TUBA1C: variants seen among roughly 807,000 people sequenced by gnomAD.
TUBA1C encodes tubulin alpha 1c, also known as tubulin alpha-1C chain.
In TUBA1C, 16 loss-of-function variants were observed where a neutral mutation model predicts 34.9. The ratio of observed to expected loss-of-function variants is 0.46; its 90% CI spans 0.31 to 0.70. TUBA1C has a LOEUF of 0.70. Among genes scored for constraint, TUBA1C ranks in the 30% least tolerant of loss-of-function variants. TUBA1C has a pLI of 0.05. For synonymous variants in TUBA1C, 177 were observed against 215.9 expected, an observed-to-expected ratio of 0.82 and a Z score of 1.58; for missense variants, 329 against 587.3, an observed-to-expected ratio of 0.56 and a Z score of 4.55.
At chr12:49,231,361 T>C (rs934836514) in intron 1 of TUBA1C, among the ~76,000 whole-genome samples, 1 of 152,104 alleles carries the variant, frequency 6.6e-6, no homozygotes, top group South Asian at 2.1e-4. Flanking sequence ...TTTGTAGATA[T>C]AGGATCTTGT....
chr12:49,235,253 T>TA (rs36089997), intron 1 of TUBA1C, among the ~76,000 whole-genome samples: 40,304 of 147,320 alleles, frequency 0.27, 6,081 homozygotes, highest in East Asian at 0.66. Context: ...TTAGAATGCT[T>TA]AAAAAAAAAA....
chr12:49,270,800 G>GA (rs1942980737), intron 3 of TUBA1C, among the ~76,000 whole-genome samples: 1 of 152,130 alleles, frequency 6.6e-6, no homozygotes, highest in African/African-American at 2.4e-5. Flanking sequence ...CTAACATGGT[G>GA]AAACCCTCTC....
chr12:49,265,163 A>AC lies in TUBA1C; in HGVS notation c.-15dup, dbSNP rs768300348. 1.4e-5 allele frequency: 22 copies of AC among 1,602,472 alleles called. No homozygotes were observed. Among genetic ancestry groups the AC allele is most frequent in the South Asian group, 5.6e-5 (5 of 89,834 alleles). On this transcript the variant is annotated 5_prime_UTR_variant, in exon 1 of 4. Coordinates refer to ENST00000301072, the MANE Select transcript of TUBA1C (RefSeq NM_032704.5). ...CCCTTCGCCTCCTTCACCGCCGCAG[A>AC]CCCCTTCAAGTTCTAGTCATGGTGA...
At chr12:49,256,274 C>T in intron 1 of TUBA1C, 4 of 328,068 alleles carry the variant, frequency 1.2e-5, no homozygotes, top group East Asian at 7.9e-5. Context: ...TTTTTTTTTC[C>T]TCTGAAACAA....
intron 1 of TUBA1C, among the ~76,000 whole-genome samples, chr12:49,249,335 G>A (rs1942709176): frequency 2.0e-5 from 3 of 152,052 alleles, no homozygotes; most frequent in Admixed American, 1.3e-4. Context: ...GTGGAGGCAG[G>A]AGAATCACTT....
chr12:49,246,440 G>A (rs1219000345), intron 1 of TUBA1C, among the ~76,000 whole-genome samples: 2 of 151,688 alleles, frequency 1.3e-5, no homozygotes, highest in Non-Finnish European at 2.9e-5. Context: ...AGCACTTTGG[G>A]AGGCCGAGGC....
At chr12:49,263,939 G>A (rs1294143670), upstream of TUBA1C, among the ~76,000 whole-genome samples, 1 of 151,782 alleles carries the variant, frequency 6.6e-6, no homozygotes, top group Non-Finnish European at 1.5e-5. Context: ...CCAACTACTC[G>A]GCCAGGCGCG....
At chr12:49,243,853 A>G (rs1942642164) in intron 1 of TUBA1C, among the ~76,000 whole-genome samples, 1 of 152,238 alleles carries the variant, frequency 6.6e-6, no homozygotes, top group Admixed American at 6.5e-5. Flanking sequence ...CTATCTCATT[A>G]AAAGAAAAAC....
At chr12:49,235,628 G>A (rs912096318) in intron 1 of TUBA1C, among the ~76,000 whole-genome samples, 6 of 151,930 alleles carry the variant, frequency 3.9e-5, no homozygotes, top group African/African-American at 1.5e-4. Flanking sequence ...CCAGCTACTC[G>A]GGAGGCTGAG....
upstream of TUBA1C, among the ~76,000 whole-genome samples, chr12:49,263,810 T>G (rs570369056): frequency 1.1e-4 from 16 of 152,334 alleles, no homozygotes; most frequent in Middle Eastern, 3.4e-3. Flanking sequence ...TATGACGCAG[T>G]ACAAGTTAGT....
chr12:49,269,419 C>T, intron 1 of TUBA1C, 46 bp from the exon 2 acceptor site: 3 of 1,612,110 alleles, frequency 1.9e-6, no homozygotes, highest in South Asian at 2.2e-5. Flanking sequence ...CTAAATGTCC[C>T]ATCTGATGTA....
intron 1 of TUBA1C, among the ~76,000 whole-genome samples, chr12:49,230,523 C>A (rs969665303): frequency 6.6e-6 from 1 of 152,148 alleles, no homozygotes; most frequent in Non-Finnish European, 1.5e-5. Flanking sequence ...TATGAGATAA[C>A]AATAACATCC....
intron 1 of TUBA1C, chr12:49,232,824 T>C (rs1269339480): frequency 6.6e-6 from 1 of 152,180 alleles, no homozygotes; most frequent in East Asian, 1.9e-4. Flanking sequence ...TTTTATTTTA[T>C]TTTTTCAAAG....
intron 1 of TUBA1C, among the ~76,000 whole-genome samples, chr12:49,229,100 C>A (rs1006209060): frequency 2.6e-5 from 4 of 152,178 alleles, no homozygotes; most frequent in African/African-American, 9.7e-5. Flanking sequence ...CTTCCCTGGA[C>A]ATGAAGGAGG....
intron 1 of TUBA1C, among the ~76,000 whole-genome samples, chr12:49,239,303 G>A (rs1942588244): frequency 6.6e-6 from 1 of 152,102 alleles, no homozygotes; most frequent in African/African-American, 2.4e-5. Flanking sequence ...AATAGTGGAG[G>A]AAAACCAAAA....
chr12:49,261,510 C>T (rs1942840353), upstream of TUBA1C, among the ~76,000 whole-genome samples: 2 of 152,136 alleles, frequency 1.3e-5, no homozygotes, highest in Non-Finnish European at 2.9e-5. Context: ...TATTTCAAGT[C>T]TCAGGACTTT....
chr12:49,270,845 G>T (rs1185896742), intron 3 of TUBA1C, among the ~76,000 whole-genome samples: 2 of 152,140 alleles, frequency 1.3e-5, no homozygotes, highest in Admixed American at 1.3e-4. Flanking sequence ...CGGGCGTGGT[G>T]GTGGGCGCCT....
chr12:49,253,972 T>C (rs1942756007), intron 1 of TUBA1C, among the ~76,000 whole-genome samples: 1 of 152,020 alleles, frequency 6.6e-6, no homozygotes, highest in Non-Finnish European at 1.5e-5. Flanking sequence ...CTAGTATTAA[T>C]AAAATCAGGG....
chr12:49,253,083 T>C (rs1942746817), intron 1 of TUBA1C, among the ~76,000 whole-genome samples: 2 of 133,052 alleles, frequency 1.5e-5, no homozygotes, highest in Non-Finnish European at 3.1e-5. Flanking sequence ...CCAGACCCTA[T>C]CTTAAAAAAA....
Sources: gnomAD v4.1 joint callset for allele counts (sites outside exome capture counted in the v4.1 genomes callset) on GRCh38, gnomAD v4.1.1 for gene constraint, MANE v1.5 for transcripts, NCBI Gene and HGNC (gene_info 2026-07-23, HGNC 2026-07-21) for gene names.